B4GALT5: variants seen among roughly 807,000 people sequenced by gnomAD.
B4GALT5 encodes beta-1,4-galactosyltransferase 5, also known as UDP-Gal:beta-GlcNAc beta-1,4-galactosyltransferase 5.
In B4GALT5, 11 loss-of-function variants were observed where a neutral mutation model predicts 45.0. The observed-to-expected ratio is 0.24, with a 90% CI of 0.15 to 0.40. The LOEUF is 0.40. B4GALT5 is among the 10% of genes least tolerant of loss of function. B4GALT5 has a pLI of 1.00. For missense variants in B4GALT5, 337 were observed against 500.2 expected (o/e 0.67, Z 3.11); for synonymous variants, 185 against 182.9 (o/e 1.01, Z -0.09).
At chr20:49,658,338 C>T (rs2085651671) in intron 1 of B4GALT5, among the ~76,000 whole-genome samples, 1 of 152,182 alleles carries the variant, frequency 6.6e-6, no homozygotes, top group African/African-American at 2.4e-5. Context: ...ACTTGTTAAA[C>T]CTAAGACTTA....
At chr20:49,683,418 G>A (rs1226559449) in intron 1 of B4GALT5, among the ~76,000 whole-genome samples, 1 of 136,212 alleles carries the variant, frequency 7.3e-6, no homozygotes, top group East Asian at 2.2e-4. Flanking sequence ...TTTGGAGATG[G>A]AGTCTCACTC....
chr20:49,686,997 T>C (rs1307480406), intron 1 of B4GALT5, among the ~76,000 whole-genome samples: 3 of 152,174 alleles, frequency 2.0e-5, no homozygotes, highest in African/African-American at 7.2e-5. Context: ...TCTGGCATTA[T>C]ATCAAATTAG....
At chr20:49,686,951 C>CA (rs903225551) in intron 1 of B4GALT5, among the ~76,000 whole-genome samples, 1 of 152,032 alleles carries the variant, frequency 6.6e-6, no homozygotes, top group African/African-American at 2.4e-5. Flanking sequence ...TGGTCAGAGA[C>CA]AATGACTTGA....
chr20:49,654,503 A>C (rs538688891), intron 2 of B4GALT5, among the ~76,000 whole-genome samples: 2 of 152,364 alleles, frequency 1.3e-5, no homozygotes, highest in Admixed American at 6.5e-5. Flanking sequence ...AGAAAGTATC[A>C]AAAGTTTATC....
chr20:49,681,176 A>C (rs2085762384), intron 1 of B4GALT5, among the ~76,000 whole-genome samples: 1 of 142,172 alleles, frequency 7.0e-6, no homozygotes, highest in Non-Finnish European at 1.5e-5. Context: ...TGATCACACC[A>C]CTGGACTCCA....
chr20:49,690,601 T>A (rs1382613038), intron 1 of B4GALT5, among the ~76,000 whole-genome samples: 1 of 151,186 alleles, frequency 6.6e-6, no homozygotes, highest in African/African-American at 2.4e-5. Context: ...AAATAGTAAA[T>A]GAAACCATAT....
At chr20:49,690,931 G>T (rs545391504) in intron 1 of B4GALT5, among the ~76,000 whole-genome samples, 1 of 152,160 alleles carries the variant, frequency 6.6e-6, no homozygotes, top group Admixed American at 6.6e-5. Context: ...TCCTTTCTTG[G>T]CAAGAATGGA....
Position 49,642,557 on chromosome 20 carries a change from G to A in B4GALT5, c.517C>T (p.Arg173Cys). 1 of 1,614,032 alleles carries A rather than the reference G, an allele frequency of 6.2e-7. No homozygotes were observed. The highest frequency in any genetic ancestry group is 8.5e-7 in the Non-Finnish European group (1 of 1,179,942). The change falls in exon 5 of 9, where the codon CGC becomes TGC. Residue 173 changes from arginine to cysteine, a missense_variant. Arg to Cys is a radical substitution (Grantham distance 180). Coordinates refer to ENST00000371711, the MANE Select transcript of B4GALT5 (RefSeq NM_004776.4). ...KVAILIPFRN[R>C]HEHLPVLFRH... ...AACAGGACTGGGAGGTGCTCGTGGC[G>A]GTTCCGGAAGGGGATAAGGATCGCC... is the stretch of plus-strand genomic sequence containing the variant.
chr20:49,667,920 A>G (rs1455979693), intron 1 of B4GALT5, among the ~76,000 whole-genome samples: 1 of 152,204 alleles, frequency 6.6e-6, no homozygotes, highest in Non-Finnish European at 1.5e-5. Context: ...ACATACATTT[A>G]AGAGAGAAAA....
chr20:49,706,400 T>G (rs62207734), intron 1 of B4GALT5, among the ~76,000 whole-genome samples: 11 of 152,072 alleles, frequency 7.2e-5, no homozygotes, highest in Non-Finnish European at 1.5e-4. Flanking sequence ...TTCAGGAATA[T>G]CTTAATAATT....
intron 7 of B4GALT5, among the ~76,000 whole-genome samples, chr20:49,637,847 G>A (rs2085560648): frequency 1.3e-5 from 2 of 151,952 alleles, no homozygotes; most frequent in South Asian, 4.1e-4. Context: ...GCTGAGACAG[G>A]AGAATCACTT....
At chr20:49,677,550 A>T (rs2085743516) in intron 1 of B4GALT5, among the ~76,000 whole-genome samples, 1 of 152,256 alleles carries the variant, frequency 6.6e-6, no homozygotes, top group African/African-American at 2.4e-5. Flanking sequence ...AAATGGTAAA[A>T]TGAATACATG....
chr20:49,690,667 A>G (rs1305730739), intron 1 of B4GALT5, among the ~76,000 whole-genome samples: 2 of 152,212 alleles, frequency 1.3e-5, no homozygotes, highest in Non-Finnish European at 2.9e-5. Flanking sequence ...TATCTGTTAC[A>G]TCTTTAAATG....
At chr20:49,689,217 CA>C (rs1302406604) in intron 1 of B4GALT5, among the ~76,000 whole-genome samples, 2 of 151,874 alleles carry the variant, frequency 1.3e-5, no homozygotes, top group African/African-American at 4.8e-5. Flanking sequence ...ACTTGATTTC[CA>C]AGTAACAAAG....
At chr20:49,689,397 G>A (rs143398969) in intron 1 of B4GALT5, among the ~76,000 whole-genome samples, 20 of 152,262 alleles carry the variant, frequency 1.3e-4, no homozygotes, top group African/African-American at 2.4e-4. Context: ...TTTCTGCCCC[G>A]TGGGAACTAC....
At chr20:49,656,434 T>C (rs1313600242) in intron 2 of B4GALT5, 134 bp downstream of exon 2, 9 of 1,136,548 alleles carry the variant, frequency 7.9e-6, no homozygotes, top group Middle Eastern at 2.2e-4. Context: ...AGAGCTTTTT[T>C]AGCAGTAAAG....
At chr20:49,676,254 A>C (rs2085736861) in intron 1 of B4GALT5, among the ~76,000 whole-genome samples, 1 of 152,138 alleles carries the variant, frequency 6.6e-6, no homozygotes, top group African/African-American at 2.4e-5. Flanking sequence ...AATAAAACAA[A>C]ATTTCACTGA....
intron 1 of B4GALT5, among the ~76,000 whole-genome samples, chr20:49,713,323 G>A (rs904533137): frequency 6.6e-6 from 1 of 151,766 alleles, no homozygotes; most frequent in African/African-American, 2.4e-5. Flanking sequence ...GGTACAGTCG[G>A]GTTCGCGAGG....
chr20:49,657,994 C>CTCTTTCGAGT (rs1399295913), intron 1 of B4GALT5, among the ~76,000 whole-genome samples: 1 of 152,042 alleles, frequency 6.6e-6, no homozygotes, highest in Non-Finnish European at 1.5e-5. Flanking sequence ...CGAAAGATTT[C>CTCTTTCGAGT]AAATCATCTC....
Sources: gnomAD v4.1 joint callset for allele counts (sites outside exome capture counted in the v4.1 genomes callset) on GRCh38, gnomAD v4.1.1 for gene constraint, MANE v1.5 for transcripts, NCBI Gene and HGNC (gene_info 2026-07-23, HGNC 2026-07-21) for gene names.